ADRA1A: variants seen among roughly 807,000 people sequenced by gnomAD.
ADRA1A encodes alpha-1A adrenergic receptor.
ADRA1A carries 31 observed loss-of-function variants against 29.6 expected under a neutral mutation model. That is an observed-to-expected ratio of 1.05 (90% CI 0.79 to 1.41). The LOEUF is 1.41. ADRA1A is among the 40% of genes most tolerant of loss of function. The pLI, the probability that ADRA1A is intolerant of heterozygous loss-of-function variation, is 0.00. For missense variants in ADRA1A, 619 were observed against 601.1 expected (o/e 1.03, Z -0.31); for synonymous variants, 311 against 254.3 (o/e 1.22, Z -2.12).
chr8:26,808,356 T>G (rs763496918), intron 2 of ADRA1A, among the ~76,000 whole-genome samples: 2 of 152,224 alleles, frequency 1.3e-5, no homozygotes, highest in Non-Finnish European at 2.9e-5. Flanking sequence ...GTATTTAGCA[T>G]AGTTTATTCA....
At chr8:26,813,209 T>C (rs1809535834) in intron 2 of ADRA1A, among the ~76,000 whole-genome samples, 1 of 152,146 alleles carries the variant, frequency 6.6e-6, no homozygotes, top group Non-Finnish European at 1.5e-5. Context: ...GGAAACTAAA[T>C]ATTTGCTTCC....
At chr8:26,753,416 T>A (rs1805008380), downstream of ADRA1A, among the ~76,000 whole-genome samples, 1 of 149,774 alleles carries the variant, frequency 6.7e-6, no homozygotes, top group African/African-American at 2.5e-5. Flanking sequence ...CAATCTACCC[T>A]ATTTATTGTT....
chr8:26,830,192 C>A (rs1371415703), intron 2 of ADRA1A, among the ~76,000 whole-genome samples: 1 of 152,198 alleles, frequency 6.6e-6, no homozygotes, highest in Non-Finnish European at 1.5e-5. Flanking sequence ...GGCAGGTCCC[C>A]TGCAGAGAAA....
chr8:26,750,023 G>C (rs1477469143), intron 2 of ADRA1A, among the ~76,000 whole-genome samples: 1 of 152,126 alleles, frequency 6.6e-6, no homozygotes, highest in Non-Finnish European at 1.5e-5. Flanking sequence ...AACATAAATA[G>C]GTGGCTTATA....
intron 2 of ADRA1A, among the ~76,000 whole-genome samples, chr8:26,813,087 T>C (rs574309554): frequency 2.4e-4 from 36 of 152,222 alleles, no homozygotes; most frequent in Middle Eastern, 6.8e-3. Context: ...TTCCTGTCAA[T>C]TGAAAGCTAA....
intron 2 of ADRA1A, among the ~76,000 whole-genome samples, chr8:26,851,055 G>A (rs1360890351): frequency 1.4e-5 from 2 of 145,860 alleles, no homozygotes; most frequent in African/African-American, 5.6e-5. Context: ...GCACAGGAGT[G>A]AGTAAGTCAT....
At position 26,866,356 on chromosome 8, in the gene ADRA1A, T is replaced by C. The variant is rs552058242; in HGVS notation, c.-687+580A>G. ...CCCGAGGGGCTCCAGCTGCCAGCCGTAGCGGGACTGGCGGGGGACGGGGTG... is the reference window on the plus strand; with the variant it reads ...CCCGAGGGGCTCCAGCTGCCAGCCGCAGCGGGACTGGCGGGGGACGGGGTG... On this transcript the variant is annotated intron_variant, in intron 1 of 2. Transcript: ENST00000380573. The surrounding 1 kb of genome is among the most constrained non-coding windows in gnomAD (Gnocchi z 5.7). 1.3e-5 allele frequency among the ~76,000 whole-genome samples: 2 copies of C among 152,292 alleles called. No homozygotes were observed. Among genetic ancestry groups the C allele is most frequent in the African/African-American group, 4.8e-5 (2 of 41,568 alleles).
intron 2 of ADRA1A, among the ~76,000 whole-genome samples, chr8:26,839,190 C>G (rs577099907): frequency 7.0e-6 from 1 of 142,400 alleles, no homozygotes; most frequent in Non-Finnish European, 1.5e-5. Context: ...GATGGAGCCT[C>G]GATCTACGCC....
intron 2 of ADRA1A, among the ~76,000 whole-genome samples, chr8:26,827,451 A>G (rs1163742287): frequency 6.6e-6 from 1 of 152,200 alleles, no homozygotes; most frequent in Admixed American, 6.5e-5. Context: ...TATAAAAAAC[A>G]GAAACATATT....
chr8:26,826,018 T>TG (rs1810531570), intron 2 of ADRA1A, among the ~76,000 whole-genome samples: 1 of 152,216 alleles, frequency 6.6e-6, no homozygotes, highest in Non-Finnish European at 1.5e-5. Context: ...GCCAGCTCAC[T>TG]TACACAATGA....
downstream of ADRA1A, chr8:26,765,807 G>A (rs566419196): frequency 3.8e-6 from 5 of 1,326,554 alleles, no homozygotes; most frequent in South Asian, 8.4e-5. Context: ...ACCAGCCCCA[G>A]AAGCAATTGA....
At chr8:26,794,876 A>G (rs1269200448) in intron 2 of ADRA1A, among the ~76,000 whole-genome samples, 1 of 152,150 alleles carries the variant, frequency 6.6e-6, no homozygotes, top group Non-Finnish European at 1.5e-5. Context: ...AATGTTCTAG[A>G]AGATTAAGTC....
intron 2 of ADRA1A, among the ~76,000 whole-genome samples, chr8:26,776,626 C>G (rs1036956629): frequency 6.6e-6 from 1 of 152,146 alleles, no homozygotes; most frequent in Non-Finnish European, 1.5e-5. Flanking sequence ...CCTACGATGA[C>G]ATGGAAGTGT....
chr8:26,807,383 A>C (rs1430093487), intron 2 of ADRA1A, among the ~76,000 whole-genome samples: 1 of 152,244 alleles, frequency 6.6e-6, no homozygotes, highest in East Asian at 1.9e-4. Context: ...AAATCAAAGC[A>C]ATACAAATGT....
chr8:26,761,957 G>T (rs930533756), downstream of ADRA1A, among the ~76,000 whole-genome samples: 2 of 152,176 alleles, frequency 1.3e-5, no homozygotes, highest in Admixed American at 1.3e-4. Context: ...TTTGCTTAGG[G>T]TATACATTCC....
intron 2 of ADRA1A, among the ~76,000 whole-genome samples, chr8:26,832,108 G>A (rs747522270): frequency 2.6e-5 from 4 of 152,198 alleles, no homozygotes; most frequent in African/African-American, 9.7e-5. Context: ...GAGGAGATTC[G>A]GTTTGCAGCG....
chr8:26,854,429 G>GGA lies in ADRA1A; in HGVS notation c.883+9657_883+9658insTC, dbSNP rs1554513014. The GGA allele has an allele frequency of 4.8e-5, 6 of 124,894 alleles. 1 individual carries two copies. The South Asian group carries it at 1.5e-3, about 31-fold the overall frequency. The allele number at this position is 124,894 out of a possible 1,614,324, so 7.7% of individuals were successfully genotyped here. A position where few individuals can be genotyped will look rare whatever the true frequency, so the allele number is the denominator to read the frequency against. On this transcript the variant is annotated intron_variant, in intron 2 of 2. Transcript: ENST00000380573. ...GCCTGAAGTTAAAGCGGGGCGGGGG[G>GGA]GGGGAGCAGGCAGAGGTGCTTTCTC... is the stretch of plus-strand genomic sequence containing the variant.
At chr8:26,795,199 G>T (rs1808110207) in intron 2 of ADRA1A, among the ~76,000 whole-genome samples, 1 of 152,046 alleles carries the variant, frequency 6.6e-6, no homozygotes, top group South Asian at 2.1e-4. Flanking sequence ...CTACTGGTCA[G>T]GTGGCCACAA....
In ADRA1A at chr8:26,792,887, A is replaced by G. The variant is rs192240422; in HGVS notation, c.884-22221T>C. 2.2e-3 allele frequency among the ~76,000 whole-genome samples: 328 copies of G among 151,616 alleles called. 4 individuals carry two copies. The highest frequency in any genetic ancestry group is 6.8e-3 in the African/African-American group (280 of 41,348). Reference sequence around the variant, plus strand: ...AACATGTTCAAATATGTGAATTACAAAAATAAATGTAAATGGATTAAAGTG... The same window carrying G: ...AACATGTTCAAATATGTGAATTACAGAAATAAATGTAAATGGATTAAAGTG... On this transcript the variant is annotated intron_variant, in intron 2 of 2. Transcript: ENST00000380573.
Sources: allele counts gnomAD v4.1 joint callset (sites outside exome capture counted in the v4.1 genomes callset), GRCh38; gene constraint gnomAD v4.1.1; non-coding constraint Gnocchi (gnomAD v3.1); transcripts MANE v1.5; gene names NCBI Gene and HGNC (gene_info 2026-07-23, HGNC 2026-07-21).